The following KIAA0753 variants were observed in gnomAD, a reference collection of about 807,000 sequenced individuals.
KIAA0753 encodes the protein KIAA0753.
KIAA0753 carries 114 observed loss-of-function variants against 116.9 expected under a neutral mutation model. That is an observed-to-expected ratio of 0.98 (90% CI 0.84 to 1.14). The LOEUF is 1.14. Ranked by LOEUF, KIAA0753 falls within the 50% of genes most tolerant of loss-of-function variation. The pLI is 0.00. For synonymous variants in KIAA0753, 405 were observed against 413.1 expected (o/e 0.98, Z 0.24); for missense variants, 1,156 against 1,172.4 (o/e 0.99, Z 0.20).
chr17:6,579,890 GGTAT>G lies in KIAA0753; in HGVS notation c.2787-30_2787-27del, dbSNP rs528448991. ...CTGGAAGACAAACAACACAACTAAAGGTATGTACAAGGCCAGGCGCGGTGGCTCA... is the reference window on the plus strand; with the variant it reads ...CTGGAAGACAAACAACACAACTAAAGGTACAAGGCCAGGCGCGGTGGCTCA... On this transcript the variant is annotated intron_variant, in intron 18 of 18. Coordinates refer to ENST00000361413, the MANE Select transcript of KIAA0753 (RefSeq NM_014804.3). 8.2e-6 allele frequency: 13 copies of G among 1,580,550 alleles called. 1 individual carries two copies. The South Asian group carries it at 1.2e-4, about 15-fold the overall frequency.
Position 6,579,829 on chromosome 17 carries a change from G to C in KIAA0753, c.2822C>G (p.Ala941Gly), listed in dbSNP as rs773730122. The C allele has an allele frequency of 6.2e-7, 1 of 1,613,816 alleles. No individual in the cohort carries two copies. The highest frequency in any genetic ancestry group is 2.2e-5 in the East Asian group (1 of 44,878). Residue 941 changes from alanine (A) to glycine (G), a missense_variant, in exon 19 of 19, where the codon GCT becomes GGT. Transcript: ENST00000361413. ...SEELVDEALGAVAAELQDMCE... is the reference protein window; with the variant it reads ...SEELVDEALGGVAAELQDMCE... ...CATATCCTGAAGTTCAGCAGCCACA[G>C]CACCCAGAGCTTCATCTACCAGCTC...
chr17:6,595,927 A>G (rs1042119665), intron 15 of KIAA0753, among the ~76,000 whole-genome samples: 3 of 152,256 alleles, frequency 2.0e-5, no homozygotes, highest in African/African-American at 7.2e-5. Context: ...TTACTGGATT[A>G]CATGGCAAGC....
chr17:6,624,892 G>A (rs759409177), intron 3 of KIAA0753, 31 bp from the exon 4 acceptor site: 6 of 1,399,816 alleles, frequency 4.3e-6, no homozygotes, highest in East Asian at 2.5e-5. Flanking sequence ...CCCCAAAAGT[G>A]GATTATAAAC....
Position 6,635,060 on chromosome 17 carries a change from G to T in KIAA0753, c.44C>A (p.Pro15His). ...QPASTCVHLA[P>H]RTQLDGRSDP... ...GCTCCTCCCATCAAGTTGGGTCCTA[G>T]GTGCTAGATGAACACAGGTTGAAGC... The change falls in exon 2 of 19, where the codon CCT (proline) becomes CAT (histidine). Residue 15 changes from proline to histidine, a missense_variant. Transcript: ENST00000361413. 6.2e-7 allele frequency: 1 copy of T among 1,613,990 alleles called. No homozygotes were observed. Among genetic ancestry groups the T allele is most frequent in the Non-Finnish European group, 8.5e-7 (1 of 1,179,880 alleles).
intron 3 of KIAA0753, 72 bp downstream of exon 3, chr17:6,628,045 C>A: frequency 7.1e-7 from 1 of 1,415,076 alleles, no homozygotes; most frequent in Non-Finnish European, 9.7e-7. Flanking sequence ...GGTTGAGGGT[C>A]CTCAAGGAAT....
At chr17:6,612,267 G>A in intron 7 of KIAA0753, 119 bp from the exon 8 acceptor site, 1 of 721,072 alleles carries the variant, frequency 1.4e-6, no homozygotes, top group South Asian at 1.9e-5. Flanking sequence ...CTGAGAAGCA[G>A]ATGTTTTGTT....
intron 3 of KIAA0753, 45 bp from the exon 4 acceptor site, chr17:6,624,906 A>T (rs1463613240): frequency 5.6e-6 from 7 of 1,248,674 alleles, no homozygotes; most frequent in Non-Finnish European, 8.0e-6. Context: ...TATAAACCAT[A>T]TATTAAAACT....
rs769668985 is a variant in KIAA0753, at chr17:6,607,235, A to C, written c.1865T>G (p.Leu622Trp). The C allele has an allele frequency of 6.2e-7, 1 of 1,613,222 alleles. No homozygotes were observed. The highest frequency in any genetic ancestry group is 1.7e-5 in the Admixed American group (1 of 59,938). Residue 622 changes from leucine to tryptophan, a missense_variant, in exon 11 of 19, where the codon TTG (leucine) becomes TGG (tryptophan). Leu to Trp is a moderately conservative substitution (Grantham distance 61, BLOSUM62 -2). Transcript: ENST00000361413. ...AWLDAETSKRLKELEELKAKE... is the reference protein window; with the variant it reads ...AWLDAETSKRWKELEELKAKE... ...GGCTTTTAACTCTTCTAGTTCCTTCAATCTTTTGGAAGTTTCAGCATCAAG... is the reference window on the plus strand; with the variant it reads ...GGCTTTTAACTCTTCTAGTTCCTTCCATCTTTTGGAAGTTTCAGCATCAAG...
chr17:6,593,469 CCGGAGGCAGGGCGCAA>C (rs1969232690), intron 16 of KIAA0753, among the ~76,000 whole-genome samples: 1 of 151,522 alleles, frequency 6.6e-6, no homozygotes, highest in African/African-American at 2.4e-5. Flanking sequence ...CCCAGCACTT[CCGGAGGCAGGGCGCAA>C]TGGCTCACAC....
chr17:6,628,102 T>A lies in KIAA0753; in HGVS notation c.718+15A>T. ...CACAGCCTTAGGTCGAAGTAAAGAA[T>A]CTAATTTTTCTCACCTTTTTTAGTT... On this transcript the variant is annotated intron_variant, in intron 3 of 18. Coordinates refer to ENST00000361413, the MANE Select transcript of KIAA0753 (RefSeq NM_014804.3). 9 of 1,600,524 alleles carry A rather than the reference T, an allele frequency of 5.6e-6. No individual in the cohort carries two copies. The highest frequency in any genetic ancestry group is 7.7e-6 in the Non-Finnish European group (9 of 1,174,012).
At chr17:6,586,476 G>C (rs1460889478) in intron 18 of KIAA0753, among the ~76,000 whole-genome samples, 1 of 152,162 alleles carries the variant, frequency 6.6e-6, no homozygotes, top group East Asian at 1.9e-4. Flanking sequence ...TGCTAAGTCA[G>C]TCACCATTGT....
At chr17:6,612,333 AGGTGTCAC>A (rs942926287) in intron 7 of KIAA0753, among the ~76,000 whole-genome samples, 185 bp from the exon 8 acceptor site, 8 of 152,212 alleles carry the variant, frequency 5.3e-5, no homozygotes, top group African/African-American at 1.7e-4. Flanking sequence ...GCAGAAACCT[AGGTGTCAC>A]GGTTGACTCC....
chr17:6,583,207 G>A (rs991164505), intron 18 of KIAA0753, among the ~76,000 whole-genome samples: 11 of 152,158 alleles, frequency 7.2e-5, no homozygotes, highest in African/African-American at 1.9e-4. Flanking sequence ...AGTTCTTTTC[G>A]TTTGGAATTT....
chr17:6,599,094 A>G, intron 14 of KIAA0753, 143 bp downstream of exon 14: 1 of 633,782 alleles, frequency 1.6e-6, no homozygotes, highest in East Asian at 2.8e-5. Flanking sequence ...GGAAGAATTA[A>G]CATGCCAAAT....
At chr17:6,591,315 T>C (rs1318214081) in intron 16 of KIAA0753, among the ~76,000 whole-genome samples, 1 of 152,246 alleles carries the variant, frequency 6.6e-6, no homozygotes, top group Non-Finnish European at 1.5e-5. Flanking sequence ...AGGGAGCATC[T>C]ATATGTCAAG....
intron 18 of KIAA0753, among the ~76,000 whole-genome samples, chr17:6,582,176 G>A (rs1968228419): frequency 1.3e-5 from 2 of 152,080 alleles, no homozygotes; most frequent in Non-Finnish European, 2.9e-5. Flanking sequence ...CTAAAATATA[G>A]AGAAAATAGT....
chr17:6,638,853 C>T (rs1324312234), intron 1 of KIAA0753: 1 of 152,968 alleles, frequency 6.5e-6, no homozygotes, highest in Non-Finnish European at 1.5e-5. Context: ...TCCCCAAGGC[C>T]CTGGGTACCC....
At chr17:6,627,716 T>C (rs1971759928) in intron 3 of KIAA0753, among the ~76,000 whole-genome samples, 1 of 152,228 alleles carries the variant, frequency 6.6e-6, no homozygotes, top group African/African-American at 2.4e-5. Context: ...GTTTTACCTA[T>C]AATATAAATA....
intron 15 of KIAA0753, 40 bp downstream of exon 15, chr17:6,596,118 G>T (rs1437464584): frequency 6.3e-7 from 1 of 1,590,454 alleles, no homozygotes; most frequent in African/African-American, 1.3e-5. Flanking sequence ...GCAGAGGCCA[G>T]CCCCTAGCAG....
Sources: gnomAD v4.1 joint callset for allele counts (sites outside exome capture counted in the v4.1 genomes callset) on GRCh38, gnomAD v4.1.1 for gene constraint, MANE v1.5 for transcripts, NCBI Gene and HGNC (gene_info 2026-07-23, HGNC 2026-07-21) for gene names.